Variants in WIPI2 observed in about 807,000 individuals in gnomAD.
WIPI2 encodes the protein WD repeat domain, phosphoinositide interacting 2.
In WIPI2, 28 loss-of-function variants were observed where a neutral mutation model predicts 52.3. The ratio of observed to expected loss-of-function variants is 0.54; its 90% confidence interval spans 0.40 to 0.73. The LOEUF (loss-of-function observed/expected upper bound fraction) is 0.73, where lower values mean the gene tolerates loss of function less well. WIPI2 is among the 30% of genes least tolerant of loss of function. The pLI is 0.00. For synonymous variants in WIPI2, 268 were observed against 245.0 expected, an observed-to-expected ratio of 1.09 and a Z score of -0.88; for missense variants, 506 against 602.9, an observed-to-expected ratio of 0.84 and a Z score of 1.68.
intron 3 of WIPI2, among the ~76,000 whole-genome samples, chr7:5,203,719 G>A (rs765480794): frequency 7.3e-5 from 10 of 136,070 alleles, no homozygotes; most frequent in Non-Finnish European, 1.4e-4. Flanking sequence ...TGCAAGCTCC[G>A]CCTCCCGGAT....
chr7:5,199,518 C>G, intron 2 of WIPI2, 58 bp from the exon 3 acceptor site: 1 of 1,510,904 alleles, frequency 6.6e-7, no homozygotes, highest in East Asian at 2.3e-5. Context: ...GAGCTGGTTT[C>G]TACATTGTCA....
chr7:5,213,073 T>A (rs1008845711), intron 3 of WIPI2: 1 of 152,128 alleles, frequency 6.6e-6, no homozygotes, highest in Non-Finnish European at 1.5e-5. Context: ...GTCCACGCAC[T>A]GGCATGATCC....
intron 7 of WIPI2, chr7:5,218,261 A>T: frequency 2.3e-6 from 1 of 440,090 alleles, no homozygotes; most frequent in East Asian, 4.1e-5. Flanking sequence ...TCCAGAGGAG[A>T]CAGAAGTGCC....
intron 2 of WIPI2, among the ~76,000 whole-genome samples, chr7:5,193,862 C>T (rs1307243934): frequency 6.6e-6 from 1 of 152,162 alleles, no homozygotes; most frequent in Admixed American, 6.5e-5. Context: ...CAGGTGTGAG[C>T]CGTTGTGCCC....
At chr7:5,225,739 A>C in intron 8 of WIPI2, 84 bp from the exon 9 acceptor site, 1 of 929,550 alleles carries the variant, frequency 1.1e-6, no homozygotes, top group Non-Finnish European at 1.7e-6. Context: ...TGCCCGTGAC[A>C]GGAACTCTTC....
rs1356728145 is a variant in WIPI2 at position 5,227,740 on chromosome 7, G to T, written c.1014-364G>T. 6.6e-6 allele frequency among the ~76,000 whole-genome samples: 1 copy of T among 152,218 alleles called. No individual in the cohort carries two copies. The highest frequency in any genetic ancestry group is 1.5e-5 in the Non-Finnish European group (1 of 68,034). On this transcript the variant is annotated intron_variant, in intron 10 of 12. Coordinates refer to ENST00000288828, the MANE Select transcript of WIPI2 (RefSeq NM_015610.4). The surrounding 1 kb of genome is among the most constrained non-coding windows in gnomAD (Gnocchi z 8.1). ...GAGGTTCTGTGCTGCGTGCGGGAAAGATTGTCATTACACCCAGTGATGGCA... is the reference window on the plus strand; with the variant it reads ...GAGGTTCTGTGCTGCGTGCGGGAAATATTGTCATTACACCCAGTGATGGCA...
At chr7:5,191,901 G>A (rs142413612) in intron 1 of WIPI2, among the ~76,000 whole-genome samples, 115 of 152,244 alleles carry the variant, frequency 7.6e-4, no homozygotes, top group African/African-American at 2.2e-3. Context: ...AGTCGGAAGG[G>A]GCAAATCACC....
At position 5,193,233 on chromosome 7, in the gene WIPI2, T is replaced by C. The variant is rs558477274; in HGVS notation, c.128+62T>C. The C allele has an allele frequency of 1.3e-5, 20 of 1,584,492 alleles. No homozygotes were observed. In the East Asian group the frequency reaches 3.4e-4, roughly 27 times the overall value. The stretch of plus-strand genomic sequence containing the variant: ...GGAAGGCTTATGTTAGAGGACTTTT[T>C]TGGCTTTTTGAAATTGCAGTGAACC... On this transcript the variant is annotated intron_variant, in intron 2 of 12. Coordinates refer to ENST00000288828, the MANE Select transcript of WIPI2 (RefSeq NM_015610.4).
At position 5,231,091 on chromosome 7, in the gene WIPI2, G is replaced by A. The variant is rs1783704993; in HGVS notation, c.*144G>A. On this transcript the variant is annotated 3_prime_UTR_variant, in exon 13 of 13. Coordinates refer to ENST00000288828, the MANE Select transcript of WIPI2 (RefSeq NM_015610.4). ...AAAAAAAAAAAAGATTGTAGTGGTA[G>A]TCTAACTCCATAACGCTGAGGAAAT... The A allele has an allele frequency of 1.8e-6, 1 of 542,500 alleles. No homozygotes were observed. Among genetic ancestry groups the A allele is most frequent in the African/African-American group, 2.0e-5 (1 of 51,186 alleles). The allele number at this position is 542,500 out of a possible 1,614,324, so 33.6% of individuals were successfully genotyped here.
chr7:5,208,688 C>T (rs1436970006), intron 3 of WIPI2, among the ~76,000 whole-genome samples: 1 of 151,964 alleles, frequency 6.6e-6, no homozygotes, highest in African/African-American at 2.4e-5. Flanking sequence ...TTTTTCTTCC[C>T]TCCTGGGATT....
Position 5,230,338 on chromosome 7 carries a change from T to C in WIPI2, c.1253-497T>C, listed in dbSNP as rs558613194. On this transcript the variant is annotated intron_variant, in intron 12 of 12. Transcript: ENST00000288828. The surrounding 1 kb of genome is among the most constrained non-coding windows in gnomAD (Gnocchi z 4.8). ...CCTCCGGCGGCAGCACTAAGACCCA[T>C]GCATGAGATCCTCCAGCCACAGCCT... Among the ~76,000 whole-genome samples the C allele has an allele frequency of 3.4e-4, 52 of 152,348 alleles. No individual in the cohort carries two copies. In the South Asian group the frequency reaches 0.011, roughly 32 times the overall value.
At chr7:5,229,556 G>C (rs1583598075) in intron 11 of WIPI2, 52 bp from the exon 12 acceptor site, 1 of 1,585,340 alleles carries the variant, frequency 6.3e-7, no homozygotes, top group Non-Finnish European at 8.6e-7. Flanking sequence ...TGTACTGCCC[G>C]CAGGGCTGCC....
At chr7:5,225,990 G>C (rs1292472088) in intron 9 of WIPI2, 60 bp downstream of exon 9, 3 of 1,508,192 alleles carry the variant, frequency 2.0e-6, no homozygotes, top group Non-Finnish European at 1.8e-6. Flanking sequence ...CCCACTTGCT[G>C]CCGGGATGAG....
chr7:5,222,168 C>G (rs1163633003), intron 7 of WIPI2, among the ~76,000 whole-genome samples: 2 of 152,184 alleles, frequency 1.3e-5, no homozygotes, highest in Non-Finnish European at 2.9e-5. Flanking sequence ...AGGCTGGTCT[C>G]AAACTCCTGA....
intron 9 of WIPI2, chr7:5,226,970 C>T: frequency 1.6e-6 from 1 of 607,914 alleles, no homozygotes; most frequent in South Asian, 2.1e-5. Flanking sequence ...TCCCTGAAGC[C>T]TGAGCACCCC....
chr7:5,221,971 C>G (rs1443760963), intron 7 of WIPI2, among the ~76,000 whole-genome samples: 3 of 150,910 alleles, frequency 2.0e-5, no homozygotes, highest in Non-Finnish European at 3.0e-5. Context: ...TTTTTCCCCC[C>G]CCGAGATGGA....
Position 5,221,742 on chromosome 7 carries a change from A to C in WIPI2, c.670-860A>C, listed in dbSNP as rs889303511. Among the ~76,000 whole-genome samples the C allele has an allele frequency of 3.3e-5, 5 of 152,002 alleles. No individual in the cohort carries two copies. In the South Asian group the frequency reaches 1.0e-3, roughly 32 times the overall value. ...ACATGCCGAGCTCCCTTGTATTCCT[A>C]GTTCTTTGTCTTAGTAAGATTTTCT... On this transcript the variant is annotated intron_variant, in intron 7 of 12. Coordinates refer to ENST00000288828, the MANE Select transcript of WIPI2 (RefSeq NM_015610.4).
chr7:5,215,178 G>A (rs975693330), intron 4 of WIPI2, among the ~76,000 whole-genome samples: 2 of 152,148 alleles, frequency 1.3e-5, no homozygotes, highest in Non-Finnish European at 2.9e-5. Context: ...GGGCATGGTG[G>A]CAGGCACCTG....
chr7:5,200,631 G>T (rs997577420), intron 3 of WIPI2, among the ~76,000 whole-genome samples: 1 of 151,654 alleles, frequency 6.6e-6, no homozygotes, highest in South Asian at 2.1e-4. Context: ...TTGGCTCACC[G>T]CACCCTCCGT....
Sources: gnomAD v4.1 joint callset for allele counts (sites outside exome capture counted in the v4.1 genomes callset) on GRCh38, gnomAD v4.1.1 for gene constraint, Gnocchi (gnomAD v3.1) non-coding constraint, MANE v1.5 for transcripts, NCBI Gene and HGNC (gene_info 2026-07-23, HGNC 2026-07-21) for gene names.